WNT9A: variants seen among roughly 807,000 people sequenced by gnomAD.
WNT9A encodes the protein Wnt family member 9A, also known as protein Wnt-9a.
A neutral mutation model predicts 31.4 loss-of-function variants in WNT9A; 8 were observed. That is an observed-to-expected ratio of 0.26 (90% CI 0.15 to 0.46). The LOEUF (loss-of-function observed/expected upper bound fraction) is 0.46, where lower values mean the gene tolerates loss of function less well. WNT9A is among the 20% of genes least tolerant of loss of function. The pLI is 0.99. For missense variants in WNT9A, 457 were observed against 522.9 expected, an observed-to-expected ratio of 0.87 and a Z score of 1.23; for synonymous variants, 236 against 220.1, an observed-to-expected ratio of 1.07 and a Z score of -0.64.
chr1:227,937,280 G>A (rs533597795), intron 1 of WNT9A, among the ~76,000 whole-genome samples: 40 of 152,204 alleles, frequency 2.6e-4, no homozygotes, highest in Admixed American at 5.9e-4. Flanking sequence ...CCTGGGCTGC[G>A]GCTGTCTTTT....
At chr1:227,931,903 A>T (rs686533) in intron 1 of WNT9A, among the ~76,000 whole-genome samples, 12 of 145,778 alleles carry the variant, frequency 8.2e-5, no homozygotes, top group South Asian at 2.2e-4. Context: ...TTGTATCTTT[A>T]GTAGAGACAG....
At chr1:227,945,601 G>C (rs1292004492) in intron 1 of WNT9A, among the ~76,000 whole-genome samples, 1 of 152,204 alleles carries the variant, frequency 6.6e-6, no homozygotes, top group East Asian at 1.9e-4. Flanking sequence ...CAGAGCTTTT[G>C]AGAGGGGGAA....
At chr1:227,941,168 G>A (rs989698605) in intron 1 of WNT9A, among the ~76,000 whole-genome samples, 1 of 152,202 alleles carries the variant, frequency 6.6e-6, no homozygotes, top group African/African-American at 2.4e-5. Flanking sequence ...GAGTCCTGTA[G>A]GACCCGGGGC....
intron 1 of WNT9A, among the ~76,000 whole-genome samples, chr1:227,943,602 G>A (rs1666748741): frequency 6.6e-6 from 1 of 152,220 alleles, no homozygotes; most frequent in Admixed American, 6.5e-5. Context: ...TGTCAGCGAG[G>A]AAGTGGAGAA....
Position 227,925,169 on chromosome 1 carries a change from G to A in WNT9A, c.352+94C>T. On this transcript the variant is annotated intron_variant, in intron 2 of 3. Coordinates refer to ENST00000272164, the MANE Select transcript of WNT9A (RefSeq NM_003395.4). This position sits in a 1 kb window ranked among gnomAD's most constrained non-coding sequence, Gnocchi z 6.0. ...GGCAGGCTGGGCCCGGCGTCCCCAG[G>A]AGCGCAGCCTAAGAGGGGCCTCTTG... 2 of 1,420,786 alleles carry A rather than the reference G, an allele frequency of 1.4e-6. No homozygotes were observed. Among genetic ancestry groups the A allele is most frequent in the Non-Finnish European group, 1.8e-6 (2 of 1,089,214 alleles). The allele number at this position is 1,420,786 out of a possible 1,614,324, so 88.0% of individuals were successfully genotyped here.
rs1315222392 is a variant in WNT9A at position 227,926,533 on chromosome 1, C to CA, written c.96-1015dup. The stretch of plus-strand genomic sequence containing the variant: ...CCTGGGACTGACCGAGCATGCTCTG[C>CA]AGCTCTGTGTCAGACCTGCCAGCCC... On this transcript the variant is annotated intron_variant, in intron 1 of 3. Transcript: ENST00000272164. The surrounding 1 kb of genome is among the most constrained non-coding windows in gnomAD (Gnocchi z 5.0). Among the ~76,000 whole-genome samples, 1 of 152,142 alleles carries CA rather than the reference C, an allele frequency of 6.6e-6. No individual in the cohort carries two copies. Among genetic ancestry groups the CA allele is most frequent in the African/African-American group, 2.4e-5 (1 of 41,436 alleles).
In WNT9A at chr1:227,919,528, A is replaced by G. The variant is rs901023794; in HGVS notation, c.*1990T>C. 2 of 152,004 alleles carry G rather than the reference A, an allele frequency of 1.3e-5. No homozygotes were observed. Among genetic ancestry groups the G allele is most frequent in the African/African-American group, 4.8e-5 (2 of 41,358 alleles). The allele number at this position is 152,004 out of a possible 1,614,324, so 9.4% of individuals were successfully genotyped here. Reference sequence around the variant, plus strand: ...CCTTAGGGCTCTGAGACACCTATTCACTCAGTAGTTCCTGTATCCATACCA... The same window carrying G: ...CCTTAGGGCTCTGAGACACCTATTCGCTCAGTAGTTCCTGTATCCATACCA... On this transcript the variant is annotated 3_prime_UTR_variant, in exon 4 of 4. Transcript: ENST00000272164.
chr1:227,937,634 CCAGT>C (rs1196104534), intron 1 of WNT9A, among the ~76,000 whole-genome samples: 1 of 152,232 alleles, frequency 6.6e-6, no homozygotes, highest in Non-Finnish European at 1.5e-5. Flanking sequence ...CGTAAAGTGG[CCAGT>C]CAACCAGCCA....
intron 1 of WNT9A, among the ~76,000 whole-genome samples, chr1:227,936,023 A>G (rs1425776406): frequency 6.6e-6 from 1 of 152,188 alleles, no homozygotes; most frequent in Non-Finnish European, 1.5e-5. Flanking sequence ...TGGCACCTTC[A>G]GAGCCCACGC....
At chr1:227,940,780 A>C (rs1357144804) in intron 1 of WNT9A, among the ~76,000 whole-genome samples, 2 of 152,324 alleles carry the variant, frequency 1.3e-5, no homozygotes, top group Admixed American at 1.3e-4. Context: ...TGCCAGCTGG[A>C]CAGCTGGGCT....
chr1:227,947,613 A>C (rs1666815663), intron 1 of WNT9A, among the ~76,000 whole-genome samples, 180 bp downstream of exon 1: 1 of 151,836 alleles, frequency 6.6e-6, no homozygotes, highest in African/African-American at 2.4e-5. Flanking sequence ...CCGCCTCTCT[A>C]GCCGTGCCGC....
chr1:227,927,618 C>T (rs1364327911), intron 1 of WNT9A, among the ~76,000 whole-genome samples: 3 of 152,120 alleles, frequency 2.0e-5, no homozygotes, highest in South Asian at 2.1e-4. Flanking sequence ...GGGAGGCAGG[C>T]GGGGGAGTAA....
chr1:227,932,047 T>A (rs577357597), intron 1 of WNT9A, among the ~76,000 whole-genome samples: 1 of 152,328 alleles, frequency 6.6e-6, no homozygotes, highest in South Asian at 2.1e-4. Flanking sequence ...AAGACAACTA[T>A]GAAGTTTGCC....
At chr1:227,940,513 C>T (rs1281151018) in intron 1 of WNT9A, among the ~76,000 whole-genome samples, 2 of 152,168 alleles carry the variant, frequency 1.3e-5, no homozygotes, top group South Asian at 2.1e-4. Flanking sequence ...GGGAGCATCC[C>T]AAAGTCCACC....
At chr1:227,923,027 C>T (rs2102716997) in intron 3 of WNT9A, among the ~76,000 whole-genome samples, 1 of 152,290 alleles carries the variant, frequency 6.6e-6, no homozygotes, top group South Asian at 2.1e-4. Context: ...TAATCTCTTA[C>T]AAAGCGGCGA....
At chr1:227,937,887 T>C (rs1206583641) in intron 1 of WNT9A, among the ~76,000 whole-genome samples, 1 of 152,208 alleles carries the variant, frequency 6.6e-6, no homozygotes, top group Non-Finnish European at 1.5e-5. Flanking sequence ...GCCAGGCTTC[T>C]AGGGCCACCT....
At position 227,925,493 on chromosome 1, in the gene WNT9A, A is replaced by T; in HGVS notation, c.122T>A (p.Ile41Asn). ...FGLTGSEPLT[I>N]LPLTLEPEAA... Reference sequence around the variant, plus strand: ...CTCTGGCTCCAGGGTCAGCGGGAGGATGGTCAGGGGCTCGCTGCCCGTCAG... The same window carrying T: ...CTCTGGCTCCAGGGTCAGCGGGAGGTTGGTCAGGGGCTCGCTGCCCGTCAG... Residue 41 changes from isoleucine (I) to asparagine (N), a missense_variant, in exon 2 of 4, where the codon ATC (isoleucine) becomes AAC (asparagine). Physicochemically the swap from Ile to Asn is moderately radical, Grantham distance 149 (BLOSUM62 -3). Transcript: ENST00000272164. This position sits in a 1 kb window ranked among gnomAD's most constrained non-coding sequence, Gnocchi z 6.0. The T allele has an allele frequency of 1.0e-5, 16 of 1,566,774 alleles. No homozygotes were observed. Among genetic ancestry groups the T allele is most frequent in the African/African-American group, 1.4e-5 (1 of 73,712 alleles).
rs1553300546 is a variant in WNT9A, at chr1:227,919,688, C to CAT, written c.*1829_*1830insAT. ...CAGCCAAGCTGACCATGCCAGTATA[C>CAT]ACACACACACACACACACACACACA... is the stretch of plus-strand genomic sequence containing the variant. On this transcript the variant is annotated 3_prime_UTR_variant, in exon 4 of 4. Transcript: ENST00000272164. The CAT allele has an allele frequency of 1.5e-4, 2 of 13,424 alleles. No individual in the cohort carries two copies. Among genetic ancestry groups the CAT allele is most frequent in the African/African-American group, 3.3e-4 (2 of 6,070 alleles). The allele number at this position is 13,424 out of a possible 1,614,324, so 0.8% of individuals were successfully genotyped here.
At chr1:227,924,062 T>A in intron 3 of WNT9A, 76 bp downstream of exon 3, 1 of 234,960 alleles carries the variant, frequency 4.3e-6, no homozygotes, top group East Asian at 1.5e-4. Context: ...CCGCCCCCAG[T>A]CCCACGCCCC....
Sources: allele counts gnomAD v4.1 joint callset (sites outside exome capture counted in the v4.1 genomes callset), GRCh38; gene constraint gnomAD v4.1.1; non-coding constraint Gnocchi (gnomAD v3.1); transcripts MANE v1.5; gene names NCBI Gene and HGNC (gene_info 2026-07-23, HGNC 2026-07-21).